The following FAM20C variants were observed in gnomAD, a reference collection of about 807,000 sequenced individuals.
The protein encoded by FAM20C is FAM20C golgi associated secretory pathway kinase, also known as extracellular serine/threonine protein kinase FAM20C.
Under a neutral mutation model 51.5 loss-of-function variants are expected in FAM20C, and 40 were observed. The ratio of observed to expected loss-of-function variants is 0.78; its 90% CI spans 0.60 to 1.01. FAM20C has a LOEUF of 1.01. FAM20C is among the 50% of genes least tolerant of loss of function. The pLI is 0.00. For missense variants in FAM20C, 861 were observed against 844.7 expected (o/e 1.02, Z -0.24); for synonymous variants, 406 against 380.6 (o/e 1.07, Z -0.78).
chr7:254,215 G>A (rs1049165014), intron 5 of FAM20C, among the ~76,000 whole-genome samples: 1 of 152,134 alleles, frequency 6.6e-6, no homozygotes, highest in Non-Finnish European at 1.5e-5. Context: ...CTAAGAAAGG[G>A]CAGCCGGGAC....
intron 9 of FAM20C, 52 bp downstream of exon 9, chr7:258,757 A>G: frequency 6.8e-7 from 1 of 1,474,060 alleles, no homozygotes. Flanking sequence ...CCTACTGCGC[A>G]GGAGACAGAG....
intron 9 of FAM20C, among the ~76,000 whole-genome samples, chr7:259,237 C>CTG (rs1788771348): frequency 6.7e-6 from 1 of 148,982 alleles, no homozygotes; most frequent in Non-Finnish European, 1.5e-5. Context: ...CCTGGGTGAG[C>CTG]GGGCCGCCCT....
intron 3 of FAM20C, among the ~76,000 whole-genome samples, chr7:236,786 T>C (rs1305951465): frequency 4.9e-5 from 7 of 143,642 alleles, no homozygotes; most frequent in African/African-American, 1.8e-4. Context: ...GCGGGTGCCC[T>C]GGAATCTGGG....
At chr7:257,476 C>T (rs955722543) in intron 8 of FAM20C, 11 of 210,642 alleles carry the variant, frequency 5.2e-5, no homozygotes, top group East Asian at 2.5e-4. Context: ...TGGCCTGCCA[C>T]GGGGGGTCTT....
At chr7:212,187 G>A (rs1786752644) in intron 3 of FAM20C, among the ~76,000 whole-genome samples, 1 of 152,266 alleles carries the variant, frequency 6.6e-6, no homozygotes, top group Admixed American at 6.5e-5. Flanking sequence ...TAAAGGCCGG[G>A]CACACTGGCT....
At chr7:237,275 G>C (rs1465285636) in intron 3 of FAM20C, among the ~76,000 whole-genome samples, 1 of 152,224 alleles carries the variant, frequency 6.6e-6, no homozygotes, top group Non-Finnish European at 1.5e-5. Flanking sequence ...GATTCCACGT[G>C]CATGAACTGC....
At chr7:244,499 G>A (rs567570550) in intron 3 of FAM20C, among the ~76,000 whole-genome samples, 48 of 152,316 alleles carry the variant, frequency 3.2e-4, no homozygotes, top group African/African-American at 1.2e-3. Flanking sequence ...ATTCCACAAG[G>A]TCTAGATTCT....
At chr7:194,776 C>A (rs61627631) in intron 1 of FAM20C, among the ~76,000 whole-genome samples, 7 of 148,530 alleles carry the variant, frequency 4.7e-5, no homozygotes, top group Admixed American at 1.3e-4. Flanking sequence ...ATCCTAGCCC[C>A]CCACCCCGCC....
intron 3 of FAM20C, among the ~76,000 whole-genome samples, chr7:230,372 T>TGGG (rs58866144): frequency 1.7e-3 from 13 of 7,490 alleles, no homozygotes; most frequent in South Asian, 9.8e-3. Flanking sequence ...CAGGACGGGG[T>TGGG]GGGGGGGGGG....
chr7:217,956 G>A (rs1226761863), intron 3 of FAM20C, among the ~76,000 whole-genome samples: 1 of 152,124 alleles, frequency 6.6e-6, no homozygotes, highest in African/African-American at 2.4e-5. Context: ...TGTTCGATAA[G>A]CTACCTGGGG....
At chr7:213,419 C>T (rs1465985741) in intron 3 of FAM20C, among the ~76,000 whole-genome samples, 8 of 152,314 alleles carry the variant, frequency 5.3e-5, no homozygotes, top group Admixed American at 1.3e-4. Flanking sequence ...GTGAGTGACA[C>T]GTTTCTGAGG....
At chr7:251,048 C>T (rs1788376474) in intron 5 of FAM20C, among the ~76,000 whole-genome samples, 1 of 152,240 alleles carries the variant, frequency 6.6e-6, no homozygotes, top group African/African-American at 2.4e-5. Context: ...ACATGCCCTG[C>T]CTGGCTCTGC....
intron 3 of FAM20C, among the ~76,000 whole-genome samples, chr7:242,378 T>A (rs1275490651): frequency 1.3e-5 from 2 of 150,884 alleles, no homozygotes; most frequent in Non-Finnish European, 3.0e-5. Flanking sequence ...GCAAGGGGCG[T>A]CCGCAGGACG....
intron 7 of FAM20C, 27 bp downstream of exon 7, chr7:256,790 C>G: frequency 3.3e-6 from 5 of 1,528,282 alleles, no homozygotes; most frequent in Non-Finnish European, 4.4e-6. Context: ...CACGGGGTCC[C>G]CGTGTCACTC....
Position 225,889 on chromosome 7 carries a change from C to T in FAM20C, c.863+16913C>T, listed in dbSNP as rs1398250143. Among the ~76,000 whole-genome samples the T allele has an allele frequency of 6.2e-4, 15 of 24,288 alleles. 1 individual carries two copies. Among genetic ancestry groups the T allele is most frequent in the African/African-American group, 2.5e-3 (14 of 5,544 alleles). The allele number at this position is 24,288 out of a possible 152,430, so 15.9% of individuals were successfully genotyped here. ...GCATGGCGGCTGTCCCCTGAGTCTT[C>T]TCTCACTGAGCAGAATGGCACCGTC... On this transcript the variant is annotated intron_variant, in intron 3 of 9. Transcript: ENST00000313766.
chr7:252,162 G>A (rs144544341), intron 5 of FAM20C, among the ~76,000 whole-genome samples: 3,016 of 152,256 alleles, frequency 0.02, 91 homozygotes, highest in African/African-American at 0.069. Flanking sequence ...CCCTGCCGGA[G>A]CCAAGGGCAC....
rs1321920372 is a variant in FAM20C, at chr7:234,192, C to T, written c.864-12223C>T. ...GCACGAGAGCCTTCCCGGGCTCGGC[C>T]GCCAGGATTTCACCCGGTTCTGCCG... On this transcript the variant is annotated intron_variant, in intron 3 of 9. Coordinates refer to ENST00000313766, the MANE Select transcript of FAM20C (RefSeq NM_020223.4). Among the ~76,000 whole-genome samples, 3 of 152,248 alleles carry T rather than the reference C, an allele frequency of 2.0e-5. No homozygotes were observed. The South Asian group carries it at 6.2e-4, about 31-fold the overall frequency.
intron 3 of FAM20C, among the ~76,000 whole-genome samples, chr7:236,050 C>A (rs1787838155): frequency 6.6e-6 from 1 of 152,228 alleles, no homozygotes; most frequent in South Asian, 2.1e-4. Context: ...TCTGTCAGGG[C>A]GCCCAGGAAG....
Position 247,125 on chromosome 7 carries a change from G to A in FAM20C, c.956+618G>A, listed in dbSNP as rs190158979. On this transcript the variant is annotated intron_variant, in intron 4 of 9. Coordinates refer to ENST00000313766, the MANE Select transcript of FAM20C (RefSeq NM_020223.4). Reference sequence around the variant, plus strand: ...GAGACCAAAGCAGGCTTCCTAAGGAGGGGGAAGCGATGTTTGTGATGAGGG... The same window carrying A: ...GAGACCAAAGCAGGCTTCCTAAGGAAGGGGAAGCGATGTTTGTGATGAGGG... Among the ~76,000 whole-genome samples, 463 of 152,342 alleles carry A rather than the reference G, an allele frequency of 3.0e-3. 2 individuals carry two copies. Among genetic ancestry groups the A allele is most frequent in the African/African-American group, 0.011 (439 of 41,592 alleles).
Sources: allele counts gnomAD v4.1 joint callset (sites outside exome capture counted in the v4.1 genomes callset), GRCh38; gene constraint gnomAD v4.1.1; transcripts MANE v1.5; gene names NCBI Gene and HGNC (gene_info 2026-07-23, HGNC 2026-07-21).